Variants in TRIM5 observed in about 807,000 individuals in gnomAD.
The protein encoded by TRIM5 is tripartite motif-containing protein 5.
Under a neutral mutation model 35.6 loss-of-function variants are expected in TRIM5, and 31 were observed. The ratio of observed to expected loss-of-function variants is 0.87; its 90% CI spans 0.65 to 1.18. The LOEUF (loss-of-function observed/expected upper bound fraction) is 1.18, where lower values mean the gene tolerates loss of function less well. TRIM5 is among the 50% of genes most tolerant of loss of function. TRIM5 has a pLI of 0.00. For synonymous variants in TRIM5, 243 were observed against 215.6 expected, an observed-to-expected ratio of 1.13 and a Z score of -1.11; for missense variants, 609 against 591.6, an observed-to-expected ratio of 1.03 and a Z score of -0.31.
At chr11:5,683,050 CG>C (rs1554938830) in intron 1 of TRIM5, among the ~76,000 whole-genome samples, 1 of 152,216 alleles carries the variant, frequency 6.6e-6, no homozygotes, top group Non-Finnish European at 1.5e-5. Flanking sequence ...AGTGGCCGGC[CG>C]GCCCCGCTGC....
the TRIM5 span, among the ~76,000 whole-genome samples, chr11:5,657,489 TTATA>T: frequency 1.4e-5 from 2 of 138,298 alleles, no homozygotes; most frequent in African/African-American, 2.7e-5. Context: ...TATAATGCAT[TTATA>T]TATATATTTA....
chr11:5,620,681 C>A, the TRIM5 span, among the ~76,000 whole-genome samples: 43,628 of 151,928 alleles, frequency 0.29, 6,299 homozygotes, highest in East Asian at 0.3. Flanking sequence ...GCACATTATG[C>A]CTTACGGTGG....
the TRIM5 span, among the ~76,000 whole-genome samples, chr11:5,592,975 G>A: frequency 6.7e-6 from 1 of 149,880 alleles, no homozygotes; most frequent in Non-Finnish European, 1.5e-5. Flanking sequence ...AGGAAAGTAG[G>A]GAAAACAAGA....
chr11:5,620,443 C>T, the TRIM5 span, among the ~76,000 whole-genome samples: 1 of 151,890 alleles, frequency 6.6e-6, no homozygotes, highest in East Asian at 1.9e-4. Flanking sequence ...ACTCGTGATC[C>T]GCCCGCCTCA....
intron 4 of TRIM5, among the ~76,000 whole-genome samples, chr11:5,674,064 A>G (rs1211144373): frequency 6.6e-6 from 1 of 152,198 alleles, no homozygotes; most frequent in Non-Finnish European, 1.5e-5. Flanking sequence ...GGTTAAAAAA[A>G]GATAAAATCA....
the TRIM5 span, among the ~76,000 whole-genome samples, chr11:5,637,533 G>T: frequency 6.6e-6 from 1 of 152,188 alleles, no homozygotes; most frequent in Admixed American, 6.5e-5. Context: ...GGATGGAATG[G>T]TAGGTAGCTA....
At chr11:5,643,778 T>C in the TRIM5 span, 1 of 1,509,862 alleles carries the variant, frequency 6.6e-7, no homozygotes, top group Non-Finnish European at 8.8e-7. Context: ...ATCTGCAACA[T>C]TCACACCATT....
chr11:5,619,688 A>ATTTTTTTTTTTTTTTTTTTTTT, the TRIM5 span: 2 of 66,030 alleles, frequency 3.0e-5, no homozygotes. Context: ...CCTGTTTTAA[A>ATTTTTTTTTTTTTTTTTTTTTT]TTTTTTTTTT....
chr11:5,664,561 G>A lies in TRIM5; in HGVS notation c.*248C>T. 1 of 1,212,440 alleles carries A rather than the reference G, an allele frequency of 8.2e-7. No individual in the cohort carries two copies. The highest frequency in any genetic ancestry group is 1.0e-6 in the Non-Finnish European group (1 of 973,604). 75.1% of individuals were successfully genotyped at this position (1,212,440 alleles called of 1,614,324 possible). A position where few individuals can be genotyped will look rare whatever the true frequency, so the allele number is the denominator to read the frequency against. Reference sequence around the variant, plus strand: ...CCTAAATAGCGGTCTCATTTTATGAGGTATAGGTCAGTTTTCCTTAGGAGT... The same window carrying A: ...CCTAAATAGCGGTCTCATTTTATGAAGTATAGGTCAGTTTTCCTTAGGAGT... On this transcript the variant is annotated 3_prime_UTR_variant, in exon 8 of 8. Coordinates refer to ENST00000380034, the MANE Select transcript of TRIM5 (RefSeq NM_033034.3).
At chr11:5,610,065 G>A in the TRIM5 span, 4 of 1,454,874 alleles carry the variant, frequency 2.7e-6, no homozygotes, top group South Asian at 1.2e-5. Context: ...TTCATCAGTA[G>A]GCTTGGGAGG....
the TRIM5 span, chr11:5,634,874 G>A: frequency 0.018 from 28,463 of 1,607,370 alleles, 293 homozygotes; most frequent in Non-Finnish European, 0.02. Flanking sequence ...AAGAAGGTTC[G>A]CTCAATCTGA....
chr11:5,655,505 C>T, the TRIM5 span: 10 of 354,156 alleles, frequency 2.8e-5, no homozygotes, highest in Non-Finnish European at 3.9e-5. Context: ...TTTTATAAGC[C>T]AGGATTAGTT....
chr11:5,655,324 GAAT>G, the TRIM5 span, among the ~76,000 whole-genome samples: 15 of 152,014 alleles, frequency 9.9e-5, no homozygotes, highest in East Asian at 2.9e-3. Context: ...CTGCCTCCCA[GAAT>G]AATATTTATC....
chr11:5,681,460 T>C (rs1175782203), intron 1 of TRIM5, among the ~76,000 whole-genome samples: 1 of 152,234 alleles, frequency 6.6e-6, no homozygotes, highest in Non-Finnish European at 1.5e-5. Flanking sequence ...TCTTCAAATC[T>C]ATAACTAAGG....
At chr11:5,647,804 A>C in the TRIM5 span, among the ~76,000 whole-genome samples, 1 of 152,118 alleles carries the variant, frequency 6.6e-6, no homozygotes, top group African/African-American at 2.4e-5. Flanking sequence ...TATAAGCGTG[A>C]ACCACCACGC....
At chr11:5,603,718 G>T in the TRIM5 span, 1 of 1,613,488 alleles carries the variant, frequency 6.2e-7, no homozygotes, top group South Asian at 1.1e-5. Flanking sequence ...CGTGGAGGAG[G>T]TTGCCCAGGA....
the TRIM5 span, among the ~76,000 whole-genome samples, chr11:5,608,659 C>T: frequency 6.6e-6 from 1 of 151,770 alleles, no homozygotes; most frequent in East Asian, 1.9e-4. Context: ...CCACTGCACT[C>T]CAGCCTGGGA....
At chr11:5,603,816 C>T in the TRIM5 span, 3 of 1,526,412 alleles carry the variant, frequency 2.0e-6, no homozygotes, top group African/African-American at 2.8e-5. Flanking sequence ...CTGATCTAAT[C>T]TCTTTGTAGT....
intron 2 of TRIM5, 37 bp downstream of exon 2, chr11:5,679,724 T>C: frequency 6.6e-7 from 1 of 1,518,742 alleles, no homozygotes; most frequent in Non-Finnish European, 8.8e-7. Flanking sequence ...TCTGGTCCCA[T>C]TTTCTGCCCT....
Sources: allele counts gnomAD v4.1 joint callset (sites outside exome capture counted in the v4.1 genomes callset), GRCh38; gene constraint gnomAD v4.1.1; transcripts MANE v1.5; gene names NCBI Gene and HGNC (gene_info 2026-07-23, HGNC 2026-07-21).